Variants in NKAIN3 observed in about 807,000 individuals in gnomAD.
NKAIN3 encodes sodium/potassium-transporting ATPase subunit beta-1-interacting protein 3.
NKAIN3 carries 25 observed loss-of-function variants against 30.2 expected under a neutral mutation model. The ratio of observed to expected loss-of-function variants is 0.83; its 90% confidence interval spans 0.60 to 1.16. NKAIN3 has a LOEUF of 1.16. Ranked by LOEUF, NKAIN3 falls within the 50% of genes most tolerant of loss-of-function variation. The probability of loss-of-function intolerance (pLI) is 0.00; values close to 1 mark genes in which losing one functional copy is unlikely to be tolerated. For synonymous variants in NKAIN3, 91 were observed against 89.6 expected (o/e 1.02, Z -0.09); for missense variants, 225 against 254.1 (o/e 0.89, Z 0.78).
At chr8:62,859,180 G>T (rs1820161269) in intron 4 of NKAIN3, among the ~76,000 whole-genome samples, 1 of 152,066 alleles carries the variant, frequency 6.6e-6, no homozygotes, top group South Asian at 2.1e-4. Flanking sequence ...GGATATGGGG[G>T]TTCCCTTGGC....
intron 4 of NKAIN3, among the ~76,000 whole-genome samples, chr8:62,895,421 G>A (rs1821402609): frequency 1.3e-5 from 2 of 152,200 alleles, no homozygotes; most frequent in South Asian, 4.1e-4. Context: ...AGCTTCCAGA[G>A]TCTACTAGAA....
chr8:62,937,661 C>T (rs530523887), intron 5 of NKAIN3, among the ~76,000 whole-genome samples: 1 of 152,110 alleles, frequency 6.6e-6, no homozygotes, highest in Non-Finnish European at 1.5e-5. Context: ...ATAATTTAAA[C>T]ATAATGTGAA....
chr8:62,359,628 A>T (rs184217598), intron 1 of NKAIN3, among the ~76,000 whole-genome samples: 2 of 152,306 alleles, frequency 1.3e-5, no homozygotes, highest in South Asian at 2.1e-4. Context: ...TCATTCCACT[A>T]CTATGAAGAG....
chr8:62,441,799 A>G (rs1372510749), intron 1 of NKAIN3, among the ~76,000 whole-genome samples: 1 of 152,064 alleles, frequency 6.6e-6, no homozygotes, highest in Non-Finnish European at 1.5e-5. Flanking sequence ...AAACATTGAT[A>G]AGAAACATCT....
At chr8:62,594,972 A>C (rs1433024249) in intron 3 of NKAIN3, among the ~76,000 whole-genome samples, 1 of 151,852 alleles carries the variant, frequency 6.6e-6, no homozygotes, top group Non-Finnish European at 1.5e-5. Flanking sequence ...AAGAAACACC[A>C]TTTTTGCTTC....
chr8:62,952,861 A>G (rs981841412), intron 5 of NKAIN3, among the ~76,000 whole-genome samples: 1 of 152,182 alleles, frequency 6.6e-6, no homozygotes, highest in Non-Finnish European at 1.5e-5. Flanking sequence ...TTGAGAAAAG[A>G]CATTTTAGAA....
chr8:62,838,085 C>A (rs1563586461), intron 4 of NKAIN3, among the ~76,000 whole-genome samples: 1 of 150,924 alleles, frequency 6.6e-6, no homozygotes, highest in Non-Finnish European at 1.5e-5. Flanking sequence ...TAGAAGTGTG[C>A]AAAGGTGTGT....
chr8:62,695,831 G>A (rs16929424), intron 3 of NKAIN3, among the ~76,000 whole-genome samples: 13,446 of 152,156 alleles, frequency 0.088, 1,431 homozygotes, highest in African/African-American at 0.26. Context: ...GGTAGTCATG[G>A]TCAAGGCTGT....
At position 62,592,136 on chromosome 8, in the gene NKAIN3, G is replaced by A. The variant is rs374193420; in HGVS notation, c.273+2342G>A. On this transcript the variant is annotated intron_variant, in intron 3 of 6. Coordinates refer to ENST00000623646, the MANE Select transcript of NKAIN3 (RefSeq NM_001304533.3). ...ATTTCCACAACCTCTCTGTGGATTG[G>A]GGTGTTATTCCAATGACAGACATGG... 7.2e-5 allele frequency among the ~76,000 whole-genome samples: 11 copies of A among 152,064 alleles called. No homozygotes were observed. In the East Asian group the frequency reaches 1.6e-3, roughly 21 times the overall value.
intron 4 of NKAIN3, among the ~76,000 whole-genome samples, chr8:62,775,236 T>C (rs1285621876): frequency 6.6e-6 from 1 of 152,128 alleles, no homozygotes; most frequent in African/African-American, 2.4e-5. Context: ...ATTTCTGTAG[T>C]ATCAGTTATA....
chr8:62,650,222 T>A (rs959631244), intron 3 of NKAIN3, among the ~76,000 whole-genome samples: 1 of 152,188 alleles, frequency 6.6e-6, no homozygotes, highest in Non-Finnish European at 1.5e-5. Context: ...CAGTCTCAAT[T>A]TATTTTCACA....
At chr8:62,841,070 A>C (rs560352485) in intron 4 of NKAIN3, among the ~76,000 whole-genome samples, 104 of 152,234 alleles carry the variant, frequency 6.8e-4, no homozygotes, top group Non-Finnish European at 1.3e-3. Flanking sequence ...CAGACCTGTT[A>C]ATATGTTATC....
downstream of NKAIN3, among the ~76,000 whole-genome samples, chr8:62,985,922 A>T (rs1244406159): frequency 6.6e-6 from 1 of 152,222 alleles, no homozygotes; most frequent in Non-Finnish European, 1.5e-5. Context: ...ATAAAAATTC[A>T]TACTTTTTTT....
chr8:62,690,341 C>T (rs1813927237), intron 3 of NKAIN3, among the ~76,000 whole-genome samples: 1 of 152,204 alleles, frequency 6.6e-6, no homozygotes, highest in Non-Finnish European at 1.5e-5. Flanking sequence ...TCAGCAGCTA[C>T]CATGCCAGGG....
rs1291894237 is a variant in NKAIN3 at position 62,967,684 on chromosome 8, G to T, written c.*2277G>T. On this transcript the variant is annotated 3_prime_UTR_variant, in exon 7 of 7. Transcript: ENST00000623646. The stretch of plus-strand genomic sequence containing the variant: ...AATGCCAATAATTATTGTTAGTATT[G>T]TTACGATTATTGAAAAAGCTGATAA... Among the ~76,000 whole-genome samples the T allele has an allele frequency of 6.6e-6, 1 of 152,048 alleles. No individual in the cohort carries two copies. The highest frequency in any genetic ancestry group is 1.5e-5 in the Non-Finnish European group (1 of 68,020).
intron 5 of NKAIN3, chr8:62,990,472 T>A: frequency 1.6e-6 from 1 of 631,528 alleles, no homozygotes; most frequent in Non-Finnish European, 2.1e-6. Context: ...TTGTATAAAA[T>A]GTTATAAATT....
At chr8:62,953,843 C>A in intron 5 of NKAIN3, 59 bp from the exon 6 acceptor site, 1 of 403,534 alleles carries the variant, frequency 2.5e-6, no homozygotes, top group Non-Finnish European at 3.4e-6. Flanking sequence ...CTATTTTAAA[C>A]ATTAGTATTA....
At chr8:62,636,263 C>G (rs1169810011) in intron 3 of NKAIN3, among the ~76,000 whole-genome samples, 3 of 152,142 alleles carry the variant, frequency 2.0e-5, no homozygotes, top group Non-Finnish European at 1.5e-5. Flanking sequence ...TATTCTATAT[C>G]AGTCTCATGA....
intron 1 of NKAIN3, among the ~76,000 whole-genome samples, chr8:62,516,349 T>A (rs1807980741): frequency 6.6e-6 from 1 of 152,112 alleles, no homozygotes; most frequent in Non-Finnish European, 1.5e-5. Flanking sequence ...CTATCATATA[T>A]TAAGTTAACC....
Sources: gnomAD v4.1 joint callset for allele counts (sites outside exome capture counted in the v4.1 genomes callset) on GRCh38, gnomAD v4.1.1 for gene constraint, MANE v1.5 for transcripts, NCBI Gene and HGNC (gene_info 2026-07-23, HGNC 2026-07-21) for gene names.